The following CSMD1 variants were observed in gnomAD, a reference collection of about 807,000 sequenced individuals.
CSMD1 encodes CUB and Sushi multiple domains 1, also known as CUB and sushi domain-containing protein 1.
A neutral mutation model predicts 417.5 loss-of-function variants in CSMD1; 213 were observed. That is an observed-to-expected ratio of 0.51 (90% CI 0.46 to 0.57). The LOEUF is 0.57. CSMD1 is among the 20% of genes least tolerant of loss of function. The pLI is 0.00. For missense variants in CSMD1, 6,923 were observed against 4,529.7 expected (o/e 1.53, Z -15.17); for synonymous variants, 2,862 against 1,736.8 (o/e 1.65, Z -16.11).
At chr8:3,211,641 G>C (rs1797613217) in intron 30 of CSMD1, among the ~76,000 whole-genome samples, 1 of 152,166 alleles carries the variant, frequency 6.6e-6, no homozygotes, top group Non-Finnish European at 1.5e-5. Context: ...TCTCAGCCCT[G>C]CGAGTCTTGT....
Position 4,701,848 on chromosome 8 carries a change from A to G in CSMD1, c.86-64290T>C, listed in dbSNP as rs138612502. Among the ~76,000 whole-genome samples the G allele has an allele frequency of 5.7e-3, 862 of 152,346 alleles. 6 individuals are homozygous for G. Among genetic ancestry groups the G allele is most frequent in the Middle Eastern group, 0.014 (4 of 294 alleles). On this transcript the variant is annotated intron_variant, in intron 1 of 69. Coordinates refer to ENST00000635120, the MANE Select transcript of CSMD1 (RefSeq NM_033225.6). ...TGGATGAAGAATCCCATGCAACTCCATTAAGAATCAACAGATGCATCAATG... is the reference window on the plus strand; with the variant it reads ...TGGATGAAGAATCCCATGCAACTCCGTTAAGAATCAACAGATGCATCAATG...
intron 12 of CSMD1, among the ~76,000 whole-genome samples, chr8:3,436,728 T>C (rs1814590332): frequency 6.6e-6 from 1 of 152,174 alleles, no homozygotes; most frequent in Non-Finnish European, 1.5e-5. Context: ...GGCAGTCTTT[T>C]CAACACATTG....
intron 3 of CSMD1, among the ~76,000 whole-genome samples, chr8:4,313,079 T>C (rs1335649454): frequency 6.6e-6 from 1 of 152,116 alleles, no homozygotes. Context: ...ATGATAGCCA[T>C]AGAGCTAATA....
At chr8:3,718,415 T>TA in intron 6 of CSMD1, among the ~76,000 whole-genome samples, 1 of 152,332 alleles carries the variant, frequency 6.6e-6, no homozygotes, top group Admixed American at 6.5e-5. Flanking sequence ...CAGTGTCCTT[T>TA]CCTTGGTCAG....
At chr8:3,641,751 T>C (rs1430822414) in intron 7 of CSMD1, among the ~76,000 whole-genome samples, 1 of 152,196 alleles carries the variant, frequency 6.6e-6, no homozygotes, top group African/African-American at 2.4e-5. Flanking sequence ...TTCTCCCTGC[T>C]ACCACTCGGT....
At chr8:4,152,192 T>A (rs1409255627) in intron 3 of CSMD1, among the ~76,000 whole-genome samples, 1 of 152,170 alleles carries the variant, frequency 6.6e-6, no homozygotes, top group Non-Finnish European at 1.5e-5. Flanking sequence ...AGTTCTTACA[T>A]CTTTGGAGAA....
intron 3 of CSMD1, among the ~76,000 whole-genome samples, chr8:4,359,134 A>G (rs6558871): frequency 0.03 from 4,547 of 152,296 alleles, 232 homozygotes; most frequent in African/African-American, 0.1. Context: ...TAGAAGGCAG[A>G]GTTGTAGCCC....
intron 65 of CSMD1, among the ~76,000 whole-genome samples, chr8:2,953,774 A>G (rs1217567077): frequency 1.3e-5 from 2 of 152,242 alleles, no homozygotes; most frequent in Non-Finnish European, 2.9e-5. Flanking sequence ...GCATGCCTAG[A>G]TGAATGGAGA....
intron 7 of CSMD1, among the ~76,000 whole-genome samples, chr8:3,660,091 C>T (rs1033322989): frequency 1.3e-4 from 20 of 152,174 alleles, no homozygotes; most frequent in South Asian, 2.1e-4. Context: ...AAGGTACCAT[C>T]GTGATGTATG....
chr8:3,600,206 C>G (rs958338984), intron 8 of CSMD1, among the ~76,000 whole-genome samples: 3 of 152,198 alleles, frequency 2.0e-5, no homozygotes, highest in African/African-American at 7.2e-5. Flanking sequence ...TTCCAGGTAT[C>G]TGTCTGTCTT....
At chr8:3,558,599 CCCGTGT>C (rs1177730883) in intron 10 of CSMD1, among the ~76,000 whole-genome samples, 50 of 128,656 alleles carry the variant, frequency 3.9e-4, no homozygotes, top group African/African-American at 1.8e-3. Context: ...TCAATAGTAC[CCCGTGT>C]CCACTCCTCC....
intron 3 of CSMD1, among the ~76,000 whole-genome samples, chr8:4,139,700 T>G (rs73176401): frequency 0.3 from 45,379 of 150,736 alleles, 8,485 homozygotes; most frequent in Non-Finnish European, 0.39. Context: ...AGAATGATGA[T>G]TTTGGTGGGA....
chr8:4,207,929 T>C (rs1184853239), intron 3 of CSMD1, among the ~76,000 whole-genome samples: 1 of 152,116 alleles, frequency 6.6e-6, no homozygotes, highest in Non-Finnish European at 1.5e-5. Flanking sequence ...AAATAGTCTA[T>C]TTCTTCCATG....
chr8:3,220,885 C>A (rs1715488339), intron 28 of CSMD1, among the ~76,000 whole-genome samples: 1 of 152,156 alleles, frequency 6.6e-6, no homozygotes, highest in African/African-American at 2.4e-5. Flanking sequence ...TCCATTGCAG[C>A]TGCCCCTTCC....
At chr8:4,977,784 A>G (rs989673103) in intron 1 of CSMD1, among the ~76,000 whole-genome samples, 1 of 152,248 alleles carries the variant, frequency 6.6e-6, no homozygotes, top group African/African-American at 2.4e-5. Flanking sequence ...ATTGAAAGTG[A>G]AAGACATTTG....
chr8:3,304,354 A>G (rs149990648), intron 25 of CSMD1, among the ~76,000 whole-genome samples: 1 of 152,136 alleles, frequency 6.6e-6, no homozygotes, highest in Non-Finnish European at 1.5e-5. Context: ...AAGACCAGAC[A>G]CCATTTTTTC....
chr8:3,578,298 G>T (rs999739315), intron 9 of CSMD1, among the ~76,000 whole-genome samples: 27 of 135,930 alleles, frequency 2.0e-4, no homozygotes, highest in Non-Finnish European at 3.8e-4. Context: ...GTACTGAGTA[G>T]ATCCAATGAG....
At chr8:3,405,648 T>C (rs1258318099) in intron 15 of CSMD1, among the ~76,000 whole-genome samples, 1 of 152,122 alleles carries the variant, frequency 6.6e-6, no homozygotes, top group African/African-American at 2.4e-5. Context: ...TGTGTCCTTT[T>C]AACAAGGAGA....
intron 7 of CSMD1, among the ~76,000 whole-genome samples, chr8:3,660,341 C>A (rs1156249148): frequency 6.6e-6 from 1 of 152,068 alleles, no homozygotes; most frequent in Non-Finnish European, 1.5e-5. Context: ...ATTGACAGGA[C>A]TGAAAGTATT....
Sources: allele counts gnomAD v4.1 joint callset (sites outside exome capture counted in the v4.1 genomes callset), GRCh38; gene constraint gnomAD v4.1.1; transcripts MANE v1.5; gene names NCBI Gene and HGNC (gene_info 2026-07-23, HGNC 2026-07-21).